Variants in NOX4 observed in about 807,000 individuals in gnomAD.
NOX4 encodes kidney oxidase-1.
In NOX4, 69 loss-of-function variants were observed where a neutral mutation model predicts 87.6. The ratio of observed to expected loss-of-function variants is 0.79; its 90% confidence interval spans 0.65 to 0.96. The LOEUF is 0.96. Among genes scored for constraint, NOX4 ranks in the 40% least tolerant of loss-of-function variants. NOX4 has a pLI of 0.00. For synonymous variants in NOX4, 275 were observed against 238.2 expected (o/e 1.15, Z -1.42); for missense variants, 680 against 681.5 (o/e 1.00, Z 0.02).
chr11:89,413,858 T>G (rs1349790869), intron 8 of NOX4, among the ~76,000 whole-genome samples: 1 of 152,142 alleles, frequency 6.6e-6, no homozygotes, highest in Non-Finnish European at 1.5e-5. Flanking sequence ...ACACATTGTA[T>G]GCCTGTATCA....
rs1945225846 is a variant in NOX4, at chr11:89,326,510, TTTTAA to T, written c.*241_*245del. 1 of 309,962 alleles carries T rather than the reference TTTTAA, an allele frequency of 3.2e-6. No individual in the cohort carries two copies. 19.2% of individuals were successfully genotyped at this position (309,962 alleles called of 1,614,324 possible). A position where few individuals can be genotyped will look rare whatever the true frequency, so the allele number is the denominator to read the frequency against. On this transcript the variant is annotated 3_prime_UTR_variant, in exon 18 of 18. Transcript: ENST00000263317. ...CAACAGTGTGCATCTAACAGTTTTCTTTTAATTTGAGAACTGAAAAGTGAATCATC... is the reference window on the plus strand; with the variant it reads ...CAACAGTGTGCATCTAACAGTTTTCTTTTGAGAACTGAAAAGTGAATCATC...
upstream of NOX4, among the ~76,000 whole-genome samples, chr11:89,494,567 C>T (rs552578816): frequency 6.6e-6 from 1 of 152,294 alleles, no homozygotes; most frequent in African/African-American, 2.4e-5. Flanking sequence ...TAGGAATTTA[C>T]ACAACGTTTA....
intron 2 of NOX4, among the ~76,000 whole-genome samples, chr11:89,470,032 T>C (rs1945860283): frequency 6.6e-6 from 1 of 151,846 alleles, no homozygotes; most frequent in South Asian, 2.1e-4. Context: ...CTTAGGTAAC[T>C]ATGTGACTTT....
At chr11:89,329,379 C>CAAA (rs1945366628) in intron 17 of NOX4, among the ~76,000 whole-genome samples, 1 of 51,448 alleles carries the variant, frequency 1.9e-5, no homozygotes, top group Non-Finnish European at 4.0e-5. Flanking sequence ...AAAAAAAGAA[C>CAAA]AGAGCATAAG....
At chr11:89,583,375 G>A in the NOX4 span, among the ~76,000 whole-genome samples, 1 of 152,106 alleles carries the variant, frequency 6.6e-6, no homozygotes, top group African/African-American at 2.4e-5. Context: ...TTAGAGGTCA[G>A]CAATAATTTC....
At chr11:89,492,773 A>G (rs1343958636), upstream of NOX4, among the ~76,000 whole-genome samples, 1 of 152,164 alleles carries the variant, frequency 6.6e-6, no homozygotes, top group African/African-American at 2.4e-5. Flanking sequence ...GAAGGAAGTC[A>G]AATTCTGGGA....
intron 6 of NOX4, among the ~76,000 whole-genome samples, chr11:89,436,983 T>C (rs772558322): frequency 2.0e-5 from 3 of 152,072 alleles, no homozygotes; most frequent in Non-Finnish European, 2.9e-5. Flanking sequence ...CTAGATTCCA[T>C]TGAAAAAAAT....
intron 17 of NOX4, among the ~76,000 whole-genome samples, chr11:89,333,860 C>T (rs1271851047): frequency 2.6e-5 from 4 of 151,790 alleles, no homozygotes; most frequent in Non-Finnish European, 5.9e-5. Context: ...AGAACCAATA[C>T]ACAAAGTCAA....
chr11:89,463,977 G>A (rs1355358830), intron 2 of NOX4, among the ~76,000 whole-genome samples: 2 of 152,086 alleles, frequency 1.3e-5, no homozygotes, highest in South Asian at 4.1e-4. Context: ...GATTGTATAT[G>A]ACAATTGTAT....
chr11:89,549,916 C>T, the NOX4 span, among the ~76,000 whole-genome samples: 2 of 152,158 alleles, frequency 1.3e-5, no homozygotes, highest in South Asian at 2.1e-4. Context: ...CATTTGGATT[C>T]ATTCCAAGTC....
At chr11:89,349,824 G>A (rs1442822254) in intron 13 of NOX4, among the ~76,000 whole-genome samples, 12 of 152,104 alleles carry the variant, frequency 7.9e-5, no homozygotes, top group Admixed American at 6.6e-5. Flanking sequence ...TGCCAAAATG[G>A]TTGCAAGTAA....
chr11:89,340,557 T>C (rs1945941284), intron 14 of NOX4, among the ~76,000 whole-genome samples: 2 of 152,322 alleles, frequency 1.3e-5, no homozygotes, highest in South Asian at 4.1e-4. Flanking sequence ...TTTCAGTGAA[T>C]TCTATCACAG....
At chr11:89,383,432 G>A (rs1940446945) in intron 11 of NOX4, among the ~76,000 whole-genome samples, 1 of 152,156 alleles carries the variant, frequency 6.6e-6, no homozygotes, top group Non-Finnish European at 1.5e-5. Context: ...TCCTTCCCAG[G>A]TCTTCTCGGC....
intron 6 of NOX4, among the ~76,000 whole-genome samples, chr11:89,436,919 C>A (rs1944106418): frequency 6.6e-6 from 1 of 151,910 alleles, no homozygotes; most frequent in Non-Finnish European, 1.5e-5. Flanking sequence ...TATTTTATGT[C>A]ACTTGTATAA....
the NOX4 span, among the ~76,000 whole-genome samples, chr11:89,527,522 G>T: frequency 6.6e-6 from 1 of 152,178 alleles, no homozygotes; most frequent in African/African-American, 2.4e-5. Flanking sequence ...GGTTTTGTGG[G>T]CTGGGCACAG....
chr11:89,389,573 A>G (rs1329395658), intron 11 of NOX4, among the ~76,000 whole-genome samples: 1 of 152,186 alleles, frequency 6.6e-6, no homozygotes, highest in Non-Finnish European at 1.5e-5. Context: ...AGAGCTTAGT[A>G]GTATGGACAA....
At chr11:89,457,930 AT>A (rs368000000) in intron 2 of NOX4, among the ~76,000 whole-genome samples, 190 of 152,342 alleles carry the variant, frequency 1.2e-3, no homozygotes, top group South Asian at 9.5e-3. Flanking sequence ...TGAAAAAAAA[AT>A]TCCATGTTCA....
At chr11:89,491,549 C>CT (rs1263836854), upstream of NOX4, 3 of 420,108 alleles carry the variant, frequency 7.1e-6, no homozygotes, top group Non-Finnish European at 1.3e-5. Context: ...TCCGCCGCGC[C>CT]GGCCCCTTTG....
intron 12 of NOX4, among the ~76,000 whole-genome samples, chr11:89,360,100 A>G (rs1161450587): frequency 6.6e-6 from 1 of 152,088 alleles, no homozygotes; most frequent in Non-Finnish European, 1.5e-5. Flanking sequence ...GCAAGGAATC[A>G]GACAGTACTT....
Sources: allele counts gnomAD v4.1 joint callset (sites outside exome capture counted in the v4.1 genomes callset), GRCh38; gene constraint gnomAD v4.1.1; transcripts MANE v1.5; gene names NCBI Gene and HGNC (gene_info 2026-07-23, HGNC 2026-07-21).